Variants in SLC7A8 observed in about 807,000 individuals in gnomAD.
SLC7A8 encodes large neutral amino acids transporter small subunit 2.
In SLC7A8, 30 loss-of-function variants were observed where a neutral mutation model predicts 51.2. The ratio of observed to expected loss-of-function variants is 0.59; its 90% CI spans 0.44 to 0.80. SLC7A8 has a LOEUF of 0.80. Ranked by LOEUF, SLC7A8 falls within the 30% of genes least tolerant of loss-of-function variation. The pLI is 0.00. For missense variants in SLC7A8, 612 were observed against 674.4 expected (o/e 0.91, Z 1.03); for synonymous variants, 257 against 275.8 (o/e 0.93, Z 0.67).
At chr14:23,134,610 TAG>T (rs778566433) in intron 7 of SLC7A8, among the ~76,000 whole-genome samples, 2 of 151,956 alleles carry the variant, frequency 1.3e-5, no homozygotes, top group African/African-American at 2.4e-5. Context: ...CAGGCTGGAG[TAG>T]AGTGGCGTGA....
At chr14:23,137,896 G>A (rs181074137) in intron 7 of SLC7A8, 25 bp downstream of exon 7, 41 of 1,609,444 alleles carry the variant, frequency 2.5e-5, no homozygotes, top group East Asian at 2.5e-4. Flanking sequence ...GCCCCTGGCC[G>A]GGGAAGGGCC....
At chr14:23,170,199 C>T (rs1411328560) in intron 1 of SLC7A8, among the ~76,000 whole-genome samples, 1 of 152,164 alleles carries the variant, frequency 6.6e-6, no homozygotes, top group African/African-American at 2.4e-5. Flanking sequence ...CAAAGTCATG[C>T]ACTGCATAAG....
At position 23,182,976 on chromosome 14, in the gene SLC7A8, A is replaced by G. The variant is rs546517241; in HGVS notation, c.-62T>C. On this transcript the variant is annotated 5_prime_UTR_variant, in exon 1 of 11. Coordinates refer to ENST00000316902, the MANE Select transcript of SLC7A8 (RefSeq NM_012244.4). Reference sequence around the variant, plus strand: ...CCTTTCTAAATGCGTATTCGTGTAAATATATTGGGAGAGAGCTTTGAATTA... The same window carrying G: ...CCTTTCTAAATGCGTATTCGTGTAAGTATATTGGGAGAGAGCTTTGAATTA... 1.6e-5 allele frequency: 26 copies of G among 1,605,882 alleles called. No homozygotes were observed. The highest frequency in any genetic ancestry group is 2.2e-5 in the South Asian group (2 of 90,848).
At position 23,165,947 on chromosome 14, in the gene SLC7A8, G is replaced by A. The variant is rs1467268316; in HGVS notation, c.356+389C>T. On this transcript the variant is annotated intron_variant, in intron 2 of 10. Transcript: ENST00000316902. This position sits in a 1 kb window ranked among gnomAD's most constrained non-coding sequence, Gnocchi z 4.2. ...GAGGGAGGCCATTATCCTTGGTAGT[G>A]TGAGAAGAGGGTGCACTCTACCTTA... Among the ~76,000 whole-genome samples, 1 of 152,168 alleles carries A rather than the reference G, an allele frequency of 6.6e-6. No individual in the cohort carries two copies. The highest frequency in any genetic ancestry group is 1.5e-5 in the Non-Finnish European group (1 of 68,036).
chr14:23,131,909 T>G (rs1266414882), intron 7 of SLC7A8, among the ~76,000 whole-genome samples: 1 of 152,102 alleles, frequency 6.6e-6, no homozygotes, highest in Non-Finnish European at 1.5e-5. Context: ...AATCTTCATC[T>G]CTTTAAAAGC....
chr14:23,135,042 C>T (rs1278504897), intron 7 of SLC7A8, among the ~76,000 whole-genome samples: 1 of 152,114 alleles, frequency 6.6e-6, no homozygotes, highest in Non-Finnish European at 1.5e-5. Context: ...ACCGGGATTA[C>T]AGGCGTGAGC....
At chr14:23,162,900 A>G (rs1030841845) in intron 3 of SLC7A8, among the ~76,000 whole-genome samples, 11 of 152,082 alleles carry the variant, frequency 7.2e-5, no homozygotes, top group African/African-American at 2.7e-4. Context: ...GATTTCTAGT[A>G]GAAGGGTAAG....
In SLC7A8 at chr14:23,140,530, A is replaced by G; in HGVS notation, c.729T>C (p.Phe243=). The change falls in exon 5 of 11, where the codon TTT becomes TTC. Residue 243 remains phenylalanine, a synonymous_variant. Coordinates refer to ENST00000316902, the MANE Select transcript of SLC7A8 (RefSeq NM_012244.4). ...TCAGAAAGTTCCAGCCTCCATAGGC[A>G]AAGGAGCCCTGAAGGAAAGCCAGTG... ...LVALAFLQGS[F]AYGGWNFLNY... is the part of the protein sequence containing the mutation. The G allele has an allele frequency of 6.2e-7, 1 of 1,614,128 alleles. No individual in the cohort carries two copies. Among genetic ancestry groups the G allele is most frequent in the Non-Finnish European group, 8.5e-7 (1 of 1,179,940 alleles).
chr14:23,164,006 G>T (rs2048936708), intron 3 of SLC7A8, among the ~76,000 whole-genome samples: 1 of 151,452 alleles, frequency 6.6e-6, no homozygotes, highest in Non-Finnish European at 1.5e-5. Flanking sequence ...ATGTTGCCCA[G>T]GCTGGAGTGC....
chr14:23,132,192 C>T (rs370564137), intron 7 of SLC7A8, among the ~76,000 whole-genome samples: 3 of 151,700 alleles, frequency 2.0e-5, no homozygotes, highest in East Asian at 3.9e-4. Flanking sequence ...TCAGTAGAGA[C>T]GGGGTTTCAC....
At chr14:23,178,520 C>T (rs17127407) in intron 1 of SLC7A8, among the ~76,000 whole-genome samples, 2 of 152,020 alleles carry the variant, frequency 1.3e-5, no homozygotes, top group African/African-American at 2.4e-5. Flanking sequence ...GTCCTAGAGT[C>T]GGTTAAATTC....
At chr14:23,174,089 T>G (rs1317666414) in intron 1 of SLC7A8, among the ~76,000 whole-genome samples, 4 of 152,202 alleles carry the variant, frequency 2.6e-5, no homozygotes, top group Non-Finnish European at 4.4e-5. Context: ...TAATCAGTGG[T>G]TCCTCCCAGT....
At chr14:23,147,954 C>T (rs2048812260) in intron 3 of SLC7A8, among the ~76,000 whole-genome samples, 1 of 152,198 alleles carries the variant, frequency 6.6e-6, no homozygotes, top group African/African-American at 2.4e-5. Flanking sequence ...GTCCTCGCTG[C>T]AGACCTGCAA....
Position 23,128,285 on chromosome 14 carries a change from C to A in SLC7A8, c.1264-89G>T. The A allele has an allele frequency of 6.4e-7, 1 of 1,568,618 alleles. No homozygotes were observed. Among genetic ancestry groups the A allele is most frequent in the Admixed American group, 1.9e-5 (1 of 52,832 alleles). On this transcript the variant is annotated intron_variant, in intron 9 of 10. Transcript: ENST00000316902. This position sits in a 1 kb window ranked among gnomAD's most constrained non-coding sequence, Gnocchi z 4.3. Reference sequence around the variant, plus strand: ...TGGGGCATTCTCTCTCTTCTTCACCCACAGAGACACATCCTCAAGGGCAAA... The same window carrying A: ...TGGGGCATTCTCTCTCTTCTTCACCAACAGAGACACATCCTCAAGGGCAAA...
intron 3 of SLC7A8, among the ~76,000 whole-genome samples, chr14:23,145,853 T>C (rs975231795): frequency 6.6e-6 from 1 of 152,220 alleles, no homozygotes; most frequent in Non-Finnish European, 1.5e-5. Context: ...ATGGAAGAGC[T>C]ATTATCCAAG....
At chr14:23,154,225 T>C in intron 3 of SLC7A8, 1 of 999,228 alleles carries the variant, frequency 1.0e-6, no homozygotes, top group Non-Finnish European at 1.2e-6. Context: ...ACCTGGGTCA[T>C]GGCCTGCCAG....
chr14:23,151,041 A>G, intron 3 of SLC7A8, among the ~76,000 whole-genome samples: 1 of 152,158 alleles, frequency 6.6e-6, no homozygotes. Flanking sequence ...TGAAGAAAAT[A>G]CCACCAGGTC....
At chr14:23,154,556 C>A in intron 3 of SLC7A8, 2 of 858,758 alleles carry the variant, frequency 2.3e-6, no homozygotes, top group Non-Finnish European at 2.8e-6. Context: ...TCGGCTTGGC[C>A]TGTCCAACCG....
At chr14:23,160,367 C>G (rs1205414773) in intron 3 of SLC7A8, among the ~76,000 whole-genome samples, 1 of 152,040 alleles carries the variant, frequency 6.6e-6, no homozygotes, top group Non-Finnish European at 1.5e-5. Context: ...GTCAGGAGAT[C>G]GAGACCATTC....
Sources: gnomAD v4.1 joint callset for allele counts (sites outside exome capture counted in the v4.1 genomes callset) on GRCh38, gnomAD v4.1.1 for gene constraint, Gnocchi (gnomAD v3.1) non-coding constraint, MANE v1.5 for transcripts, NCBI Gene and HGNC (gene_info 2026-07-23, HGNC 2026-07-21) for gene names.